Variants in KCNN3 observed in about 807,000 individuals in gnomAD.
KCNN3 encodes potassium calcium-activated channel subfamily N member 3.
KCNN3 carries 16 observed loss-of-function variants against 62.9 expected under a neutral mutation model. That is an observed-to-expected ratio of 0.25 (90% CI 0.17 to 0.39). The LOEUF (loss-of-function observed/expected upper bound fraction) is 0.39, where lower values mean the gene tolerates loss of function less well. Ranked by LOEUF, KCNN3 falls within the 10% of genes least tolerant of loss-of-function variation. KCNN3 has a pLI of 1.00. For missense variants in KCNN3, 599 were observed against 949.4 expected, an observed-to-expected ratio of 0.63 and a Z score of 4.85; for synonymous variants, 370 against 389.2, an observed-to-expected ratio of 0.95 and a Z score of 0.58.
chr1:154,861,458 T>C (rs1008158991), intron 1 of KCNN3, among the ~76,000 whole-genome samples: 1 of 152,134 alleles, frequency 6.6e-6, no homozygotes, highest in Non-Finnish European at 1.5e-5. Flanking sequence ...CCTCCCTACA[T>C]GCCCCTGTGT....
At chr1:154,726,317 G>A (rs1167801640) in intron 4 of KCNN3, among the ~76,000 whole-genome samples, 2 of 152,170 alleles carry the variant, frequency 1.3e-5, no homozygotes, top group Non-Finnish European at 2.9e-5. Flanking sequence ...GTGGCGCCGA[G>A]GCTTTGGGGG....
intron 1 of KCNN3, among the ~76,000 whole-genome samples, chr1:154,867,051 C>T (rs151089940): frequency 6.7e-4 from 102 of 152,310 alleles, no homozygotes; most frequent in African/African-American, 2.3e-3. Context: ...CTACGGGTGT[C>T]ACTGAAAGAG....
intron 3 of KCNN3, among the ~76,000 whole-genome samples, chr1:154,770,452 T>C (rs1277611202): frequency 6.6e-6 from 1 of 152,204 alleles, no homozygotes; most frequent in Admixed American, 6.5e-5. Context: ...GACTTCTTTG[T>C]CTTGTTTGAT....
chr1:154,756,724 G>C (rs907409749), intron 3 of KCNN3, among the ~76,000 whole-genome samples: 1 of 152,086 alleles, frequency 6.6e-6, no homozygotes, highest in Non-Finnish European at 1.5e-5. Flanking sequence ...TTTTAAAAAA[G>C]AATCATTGCA....
At chr1:154,731,833 C>G (rs1219550934) in intron 4 of KCNN3, among the ~76,000 whole-genome samples, 1 of 152,158 alleles carries the variant, frequency 6.6e-6, no homozygotes, top group African/African-American at 2.4e-5. Context: ...ACCCCGCCAC[C>G]TCCCCCAACA....
At chr1:154,823,899 TG>T (rs1438065045) in intron 1 of KCNN3, among the ~76,000 whole-genome samples, 2 of 152,186 alleles carry the variant, frequency 1.3e-5, no homozygotes, top group African/African-American at 2.4e-5. Context: ...CCCAGGTCCA[TG>T]CTCTCGGCCC....
At chr1:154,803,491 C>T (rs1470718205) in intron 2 of KCNN3, among the ~76,000 whole-genome samples, 1 of 152,212 alleles carries the variant, frequency 6.6e-6, no homozygotes. Flanking sequence ...CATCTGTCTG[C>T]CTTGAGACAG....
intron 1 of KCNN3, among the ~76,000 whole-genome samples, chr1:154,834,299 C>A (rs567936351): frequency 1.7e-4 from 26 of 152,332 alleles, no homozygotes; most frequent in African/African-American, 6.3e-4. Flanking sequence ...GGCTGGAAGC[C>A]ACACACCAAC....
chr1:154,811,716 T>C (rs1421325021), intron 2 of KCNN3, among the ~76,000 whole-genome samples: 1 of 152,178 alleles, frequency 6.6e-6, no homozygotes, highest in East Asian at 1.9e-4. Context: ...CCATTTTTTC[T>C]CTTAAAAACA....
At chr1:154,806,891 T>C (rs1381189636) in intron 2 of KCNN3, among the ~76,000 whole-genome samples, 1 of 152,108 alleles carries the variant, frequency 6.6e-6, no homozygotes, top group African/African-American at 2.4e-5. Context: ...GAAGCAGCCA[T>C]TCCCCACCAG....
chr1:154,798,036 T>A (rs1274344553), intron 2 of KCNN3, among the ~76,000 whole-genome samples: 1 of 152,074 alleles, frequency 6.6e-6, no homozygotes, highest in East Asian at 1.9e-4. Context: ...CACTGGAGCC[T>A]CCATTTGTAA....
chr1:154,869,031 C>T lies in KCNN3; in HGVS notation c.933+1G>A. On this transcript the variant is annotated splice_donor_variant, in intron 1 of 7. Coordinates refer to ENST00000271915, the MANE Select transcript of KCNN3 (RefSeq NM_002249.6). LOFTEE classifies it high-confidence loss of function. This position sits in a 1 kb window ranked among gnomAD's most constrained non-coding sequence, Gnocchi z 6.1. ...GTATAAAGAGAAACCACAGCCCCTA[C>T]CTTTGAGTACAAACCCCAAGAGAGC... The T allele has an allele frequency of 6.2e-7, 1 of 1,613,926 alleles. No homozygotes were observed. Among genetic ancestry groups the T allele is most frequent in the Non-Finnish European group, 8.5e-7 (1 of 1,179,916 alleles).
At chr1:154,763,177 T>C (rs1648102110) in intron 3 of KCNN3, among the ~76,000 whole-genome samples, 1 of 152,232 alleles carries the variant, frequency 6.6e-6, no homozygotes, top group Non-Finnish European at 1.5e-5. Flanking sequence ...TTAAAATTTC[T>C]AATTTTGTGT....
intron 1 of KCNN3, among the ~76,000 whole-genome samples, chr1:154,855,126 G>C (rs1265137231): frequency 1.3e-5 from 2 of 152,136 alleles, no homozygotes; most frequent in Non-Finnish European, 2.9e-5. Flanking sequence ...GCTGAGGCAG[G>C]AGAATTCTTT....
At chr1:154,708,969 C>T (rs1169619451) in intron 7 of KCNN3, among the ~76,000 whole-genome samples, 1 of 152,096 alleles carries the variant, frequency 6.6e-6, no homozygotes, top group African/African-American at 2.4e-5. Flanking sequence ...AAGGGCCACT[C>T]TGAAGGGCTG....
At chr1:154,773,196 C>G (rs917959522) in intron 2 of KCNN3, among the ~76,000 whole-genome samples, 1 of 152,130 alleles carries the variant, frequency 6.6e-6, no homozygotes, top group Non-Finnish European at 1.5e-5. Context: ...TCGTTCCCCT[C>G]TTTGTGTTTC....
At chr1:154,744,136 C>A (rs922175325) in intron 3 of KCNN3, among the ~76,000 whole-genome samples, 2 of 152,152 alleles carry the variant, frequency 1.3e-5, no homozygotes, top group Non-Finnish European at 2.9e-5. Flanking sequence ...TGACTGACAA[C>A]CCCTATTACA....
At position 154,844,571 on chromosome 1, in the gene KCNN3, C is replaced by G. The variant is rs532181983; in HGVS notation, c.934-22387G>C. Among the ~76,000 whole-genome samples the G allele has an allele frequency of 1.9e-4, 29 of 152,350 alleles. No individual in the cohort carries two copies. In the East Asian group the frequency reaches 5.2e-3, roughly 27 times the overall value. ...AGTCACTCCAGGTTCCTGGGAGACT[C>G]AGTAACAACAAAACCCCCACTCTGG... is the stretch of plus-strand genomic sequence containing the variant. On this transcript the variant is annotated intron_variant, in intron 1 of 7. Transcript: ENST00000271915.
Position 154,869,632 on chromosome 1 carries a change from G to A in KCNN3, c.333C>T (p.Pro111=). 1 of 1,613,738 alleles carries A rather than the reference G, an allele frequency of 6.2e-7. No individual in the cohort carries two copies. Among genetic ancestry groups the A allele is most frequent in the Non-Finnish European group, 8.5e-7 (1 of 1,179,864 alleles). Reference sequence around the variant, plus strand: ...GGATGGCGGTGGAGTTGGACGAAGGGGGGGCCCTGAAAGCGGTGGGAGAGG... The same window carrying A: ...GGATGGCGGTGGAGTTGGACGAAGGAGGGGCCCTGAAAGCGGTGGGAGAGG... ...LHSSPTAFRA[P]PSSNSTAILH... is the part of the protein sequence containing the mutation. Residue 111 remains proline (P), a synonymous_variant, in exon 1 of 8, where the codon CCC becomes CCT. Transcript: ENST00000271915. The surrounding 1 kb of genome is among the most constrained non-coding windows in gnomAD (Gnocchi z 6.1).
Sources: gnomAD v4.1 joint callset for allele counts (sites outside exome capture counted in the v4.1 genomes callset) on GRCh38, gnomAD v4.1.1 for gene constraint, Gnocchi (gnomAD v3.1) non-coding constraint, MANE v1.5 for transcripts, NCBI Gene and HGNC (gene_info 2026-07-23, HGNC 2026-07-21) for gene names.